Variants in RAB3C observed in about 807,000 individuals in gnomAD.
RAB3C encodes ras-related protein Rab-3C.
Under a neutral mutation model 26.4 loss-of-function variants are expected in RAB3C, and 17 were observed. The observed-to-expected ratio is 0.64, with a 90% CI of 0.44 to 0.97. The LOEUF (loss-of-function observed/expected upper bound fraction) is 0.97. RAB3C is among the 50% of genes least tolerant of loss of function. The pLI, the probability that RAB3C is intolerant of heterozygous loss-of-function variation, is 0.00. For missense variants in RAB3C, 242 were observed against 281.9 expected (o/e 0.86, Z 1.01); for synonymous variants, 91 against 95.9 (o/e 0.95, Z 0.30).
intron 3 of RAB3C, among the ~76,000 whole-genome samples, chr5:58,750,340 T>A (rs1401265297): frequency 6.6e-6 from 1 of 152,244 alleles, no homozygotes; most frequent in African/African-American, 2.4e-5. Flanking sequence ...TATTTGCTAT[T>A]GTGAGTGCTT....
Position 58,853,154 on chromosome 5 carries a change from G to A in RAB3C, c.*1803G>A, listed in dbSNP as rs369948668. On this transcript the variant is annotated 3_prime_UTR_variant, in exon 5 of 5. Coordinates refer to ENST00000282878, the MANE Select transcript of RAB3C (RefSeq NM_138453.4). The stretch of plus-strand genomic sequence containing the variant: ...ATAGTAAAGACAAGAAAACATTAAT[G>A]TTTTATTAGTTTTTAATGGGGCAAC... The A allele has an allele frequency of 4.6e-5, 7 of 152,268 alleles. No individual in the cohort carries two copies. The highest frequency in any genetic ancestry group is 2.1e-4 in the South Asian group (1 of 4,828). The allele number at this position is 152,268 out of a possible 1,614,324, so 9.4% of individuals were successfully genotyped here.
rs1047285716 is a variant in RAB3C at position 58,858,573 on chromosome 5, G to A, written c.*7222G>A. 6.6e-5 allele frequency: 10 copies of A among 152,134 alleles called. No homozygotes were observed. The highest frequency in any genetic ancestry group is 1.7e-4 in the African/African-American group (7 of 41,426). 9.4% of individuals were successfully genotyped at this position (152,134 alleles called of 1,614,324 possible). A position where few individuals can be genotyped will look rare whatever the true frequency, so the allele number is the denominator to read the frequency against. On this transcript the variant is annotated 3_prime_UTR_variant, in exon 5 of 5. Coordinates refer to ENST00000282878, the MANE Select transcript of RAB3C (RefSeq NM_138453.4). ...CTGTAAGAACTGGAAGAGTCAGAGAGGGCTCCATTGAAGAGGTCAAACATA... is the reference window on the plus strand; with the variant it reads ...CTGTAAGAACTGGAAGAGTCAGAGAAGGCTCCATTGAAGAGGTCAAACATA...
At chr5:58,611,180 A>G (rs1222109849) in intron 1 of RAB3C, among the ~76,000 whole-genome samples, 1 of 152,080 alleles carries the variant, frequency 6.6e-6, no homozygotes, top group Admixed American at 6.6e-5. Flanking sequence ...GAATAGGGCG[A>G]TAATGAACAT....
intron 2 of RAB3C, 27 bp downstream of exon 2, chr5:58,617,897 C>T (rs776686712): frequency 6.9e-7 from 1 of 1,444,568 alleles, no homozygotes; most frequent in Non-Finnish European, 9.6e-7. Flanking sequence ...TGGCAGTGTT[C>T]TTCAGGCTGG....
At position 58,852,911 on chromosome 5, in the gene RAB3C, A is replaced by G. The variant is rs374866577; in HGVS notation, c.*1560A>G. The G allele has an allele frequency of 1.3e-5, 2 of 152,334 alleles. No individual in the cohort carries two copies. The highest frequency in any genetic ancestry group is 4.8e-5 in the African/African-American group (2 of 41,590). 9.4% of individuals were successfully genotyped at this position (152,334 alleles called of 1,614,324 possible). ...GGCTTCCCATGAAAGTATTGGATGC[A>G]AATGAAACAGGCATACATCTAAAGA... On this transcript the variant is annotated 3_prime_UTR_variant, in exon 5 of 5. Coordinates refer to ENST00000282878, the MANE Select transcript of RAB3C (RefSeq NM_138453.4).
intron 3 of RAB3C, among the ~76,000 whole-genome samples, chr5:58,750,207 G>A (rs1741492592): frequency 1.3e-5 from 2 of 152,112 alleles, no homozygotes; most frequent in South Asian, 2.1e-4. Context: ...AACTAATACA[G>A]TGTTCACTTT....
intron 3 of RAB3C, among the ~76,000 whole-genome samples, chr5:58,758,732 G>A (rs571197411): frequency 3.7e-4 from 57 of 152,302 alleles, no homozygotes; most frequent in Non-Finnish European, 7.8e-4. Flanking sequence ...TAAGATAAAG[G>A]ATGACGACCA....
rs540961363 is a variant in RAB3C at position 58,603,274 on chromosome 5, C to A, written c.25-14369C>A. On this transcript the variant is annotated intron_variant, in intron 1 of 4. Coordinates refer to ENST00000282878, the MANE Select transcript of RAB3C (RefSeq NM_138453.4). Reference sequence around the variant, plus strand: ...TTTCCTTTGTCTTAACTTTGAATAACCTGATGACAATGTGCCTAGGTGAAG... The same window carrying A: ...TTTCCTTTGTCTTAACTTTGAATAAACTGATGACAATGTGCCTAGGTGAAG... Among the ~76,000 whole-genome samples the A allele has an allele frequency of 4.6e-5, 7 of 152,266 alleles. No individual in the cohort carries two copies. The South Asian group carries it at 1.5e-3, about 32-fold the overall frequency.
intron 2 of RAB3C, among the ~76,000 whole-genome samples, chr5:58,643,232 A>AAAAGAACATTGTCCTTTTAAGCTG (rs528923874): frequency 2.6e-5 from 4 of 152,232 alleles, no homozygotes; most frequent in Non-Finnish European, 5.9e-5. Context: ...CATAACAGCT[A>AAAAGAACATTGTCCTTTTAAGCTG]AAAGAACATT....
At chr5:58,789,475 C>A (rs1385493867) in intron 3 of RAB3C, among the ~76,000 whole-genome samples, 2 of 152,096 alleles carry the variant, frequency 1.3e-5, no homozygotes, top group Non-Finnish European at 2.9e-5. Flanking sequence ...AAATAGCTGG[C>A]CCTGTGTTTT....
chr5:58,851,406 T>C lies in RAB3C; in HGVS notation c.*55T>C. The C allele has an allele frequency of 7.1e-7, 1 of 1,401,214 alleles. No homozygotes were observed. Among genetic ancestry groups the C allele is most frequent in the Non-Finnish European group, 9.7e-7 (1 of 1,030,904 alleles). 86.8% of individuals were successfully genotyped at this position (1,401,214 alleles called of 1,614,324 possible). On this transcript the variant is annotated 3_prime_UTR_variant, in exon 5 of 5. Coordinates refer to ENST00000282878, the MANE Select transcript of RAB3C (RefSeq NM_138453.4). ...GGCTCTGGTTGCCAACAAACAGCAT[T>C]TGTAAATGGTCTATTAGCCTTCATT...
chr5:58,787,165 C>T (rs1742410764), intron 3 of RAB3C, among the ~76,000 whole-genome samples: 1 of 152,222 alleles, frequency 6.6e-6, no homozygotes, highest in South Asian at 2.1e-4. Context: ...CATGGGAAGC[C>T]CCGGGAGCTC....
At chr5:58,612,637 T>A (rs292976) in intron 1 of RAB3C, among the ~76,000 whole-genome samples, 115,013 of 149,438 alleles carry the variant, frequency 0.77, 44,321 homozygotes, top group South Asian at 0.84. Context: ...TTATTGGTGT[T>A]TAGGAATACT....
At chr5:58,594,869 C>A (rs1338527907) in intron 1 of RAB3C, among the ~76,000 whole-genome samples, 1 of 82,578 alleles carries the variant, frequency 1.2e-5, no homozygotes, top group Non-Finnish European at 2.9e-5. Flanking sequence ...TTTTTTTTTA[C>A]CCCAGTGGGA....
intron 3 of RAB3C, among the ~76,000 whole-genome samples, chr5:58,770,592 C>T (rs1041906395): frequency 3.3e-5 from 5 of 152,118 alleles, no homozygotes; most frequent in African/African-American, 1.2e-4. Context: ...ATATAAACTT[C>T]CCTGAACTTG....
rs138339510 is a variant in RAB3C at position 58,711,618 on chromosome 5, A to G, written c.253-14384A>G. 9.6e-3 allele frequency among the ~76,000 whole-genome samples: 1,461 copies of G among 152,286 alleles called. 8 individuals are homozygous for G. Among genetic ancestry groups the G allele is most frequent in the Non-Finnish European group, 0.015 (1,035 of 68,014 alleles). On this transcript the variant is annotated intron_variant, in intron 2 of 4. Transcript: ENST00000282878. Reference sequence around the variant, plus strand: ...TATTGAGCACCTAGTATGCACAAGAAGCATTACATACGTTAATTCTCACAG... The same window carrying G: ...TATTGAGCACCTAGTATGCACAAGAGGCATTACATACGTTAATTCTCACAG...
chr5:58,813,066 T>G (rs1743124382), intron 3 of RAB3C, among the ~76,000 whole-genome samples: 1 of 152,172 alleles, frequency 6.6e-6, no homozygotes, highest in African/African-American at 2.4e-5. Flanking sequence ...TGTTATCGGA[T>G]TGTTTCTAGT....
intron 2 of RAB3C, among the ~76,000 whole-genome samples, chr5:58,628,614 C>T (rs986609902): frequency 1.3e-5 from 2 of 150,872 alleles, no homozygotes; most frequent in Non-Finnish European, 3.0e-5. Flanking sequence ...TGGGTTGAAC[C>T]CACCTTGAGG....
chr5:58,821,017 C>T (rs1743327906), intron 3 of RAB3C, among the ~76,000 whole-genome samples: 1 of 152,186 alleles, frequency 6.6e-6, no homozygotes, highest in Admixed American at 6.5e-5. Context: ...TATGTACCTT[C>T]CTGACCTTCA....
Sources: gnomAD v4.1 joint callset for allele counts (sites outside exome capture counted in the v4.1 genomes callset) on GRCh38, gnomAD v4.1.1 for gene constraint, MANE v1.5 for transcripts, NCBI Gene and HGNC (gene_info 2026-07-23, HGNC 2026-07-21) for gene names.